Variants in RAI1 observed in about 807,000 individuals in gnomAD.
RAI1 encodes the protein retinoic acid-induced protein 1.
RAI1 carries 9 observed loss-of-function variants against 123.8 expected under a neutral mutation model. The ratio of observed to expected loss-of-function variants is 0.07; its 90% CI spans 0.04 to 0.13. The LOEUF is 0.13. RAI1 is among the 10% of genes least tolerant of loss of function. RAI1 has a pLI of 1.00. For synonymous variants in RAI1, 1,231 were observed against 1,127.3 expected (o/e 1.09, Z -1.84); for missense variants, 2,256 against 2,545.8 (o/e 0.89, Z 2.45).
At chr17:17,802,043 G>T in intron 3 of RAI1, 2 of 470,472 alleles carry the variant, frequency 4.3e-6, no homozygotes. Context: ...CCCCCAGCAC[G>T]GTGGCACTGT....
In RAI1 at chr17:17,797,490, G is replaced by T. The variant is rs764035670; in HGVS notation, c.4542G>T (p.Arg1514Ser). Residue 1514 changes from arginine (R) to serine (S), a missense_variant, in exon 3 of 6, where the codon AGG becomes AGT. Arg to Ser is a moderately radical substitution (Grantham distance 110, BLOSUM62 -1). This residue lies in a region of RAI1 where 410 missense variants were observed against 374.6 expected (regional missense o/e 1.09). Coordinates refer to ENST00000353383, the MANE Select transcript of RAI1 (RefSeq NM_030665.4). ...TGGCCTCCCAGCCCCCGGAGGGCAGGCCCTGCCAGCCCCAGACAAGGGCAC... is the reference window on the plus strand; with the variant it reads ...TGGCCTCCCAGCCCCCGGAGGGCAGTCCCTGCCAGCCCCAGACAAGGGCAC... The part of the protein sequence containing the change: ...LGLASQPPEG[R>S]PCQPQTRAQK... 6.2e-7 allele frequency: 1 copy of T among 1,613,134 alleles called. No individual in the cohort carries two copies. Among genetic ancestry groups the T allele is most frequent in the South Asian group, 1.1e-5 (1 of 91,046 alleles).
In RAI1 at chr17:17,795,422, T is replaced by G. The variant is rs765448748; in HGVS notation, c.2474T>G (p.Leu825Arg). 2 of 1,590,228 alleles carry G rather than the reference T, an allele frequency of 1.3e-6. No homozygotes were observed. Among genetic ancestry groups the G allele is most frequent in the South Asian group, 2.3e-5 (2 of 88,388 alleles). Reference sequence around the variant, plus strand: ...GGGGTGAAGGAGGAGGCAGGTGGGCTGCTGCAGTGCCCCGAGGTGGCCAAG... The same window carrying G: ...GGGGTGAAGGAGGAGGCAGGTGGGCGGCTGCAGTGCCCCGAGGTGGCCAAG... ...VGGVKEEAGG[L>R]LQCPEVAKAD... The change falls in exon 3 of 6, where the codon CTG becomes CGG. Residue 825 changes from leucine to arginine, a missense_variant. Coordinates refer to ENST00000353383, the MANE Select transcript of RAI1 (RefSeq NM_030665.4). This position sits in a 1 kb window ranked among gnomAD's most constrained non-coding sequence, Gnocchi z 5.9.
At chr17:17,709,013 C>G (rs1915479641) in intron 1 of RAI1, among the ~76,000 whole-genome samples, 1 of 152,186 alleles carries the variant, frequency 6.6e-6, no homozygotes, top group African/African-American at 2.4e-5. Flanking sequence ...CCAGGACATG[C>G]CGCTTTACAG....
intron 1 of RAI1, among the ~76,000 whole-genome samples, chr17:17,718,132 C>T (rs755591873): frequency 6.6e-6 from 1 of 152,192 alleles, no homozygotes; most frequent in African/African-American, 2.4e-5. Flanking sequence ...CCTCTCCCCT[C>T]TCCCCCTGCT....
In RAI1 at chr17:17,795,251, G is replaced by A. The variant is rs1232323587; in HGVS notation, c.2303G>A (p.Gly768Asp). The A allele has an allele frequency of 1.2e-6, 2 of 1,614,028 alleles. No individual in the cohort carries two copies. The highest frequency in any genetic ancestry group is 1.3e-5 in the African/African-American group (1 of 75,036). Residue 768 changes from glycine to aspartate, a missense_variant, in exon 3 of 6, where the codon GGC (glycine) becomes GAC (aspartate). Physicochemically the swap from Gly to Asp is moderately conservative, Grantham distance 94 (BLOSUM62 -1). Transcript: ENST00000353383. This position sits in a 1 kb window ranked among gnomAD's most constrained non-coding sequence, Gnocchi z 5.9. ...WGLHPGELTK[G>D]LEQGGKASDG... is the part of the protein sequence containing the mutation. ...TTGCACCCTGGCGAGCTTACCAAGG[G>A]CCTGGAGCAGGGTGGGAAGGCCTCA... is the stretch of plus-strand genomic sequence containing the variant.
chr17:17,761,932 TG>T (rs934520090), intron 2 of RAI1, among the ~76,000 whole-genome samples: 18 of 151,784 alleles, frequency 1.2e-4, no homozygotes, highest in Admixed American at 3.3e-4. Flanking sequence ...GAGGGAGGCA[TG>T]GGAGGGAGGT....
chr17:17,751,206 C>G (rs890221807), intron 2 of RAI1, among the ~76,000 whole-genome samples: 1 of 152,146 alleles, frequency 6.6e-6, no homozygotes, highest in Non-Finnish European at 1.5e-5. Context: ...GGAAGTGGAG[C>G]CTCATCAAGG....
At chr17:17,738,744 G>A (rs148502517) in intron 2 of RAI1, among the ~76,000 whole-genome samples, 1 of 152,320 alleles carries the variant, frequency 6.6e-6, no homozygotes, top group Non-Finnish European at 1.5e-5. Flanking sequence ...GACCCTGATG[G>A]GCTGCAGAGG....
chr17:17,794,949 G>T lies in RAI1; in HGVS notation c.2001G>T (p.Leu667=). Residue 667 remains leucine (L), a synonymous_variant, in exon 3 of 6, where the codon CTG becomes CTT. Coordinates refer to ENST00000353383, the MANE Select transcript of RAI1 (RefSeq NM_030665.4). ...CCCGGCCTGGGGAGCCGGAGGCCCT[G>T]CCCGACTCCTTGCAGCTGGACAAGG... ...AWPRPGEPEA[L]PDSLQLDKGG... is the part of the protein sequence containing the mutation. The T allele has an allele frequency of 3.1e-6, 5 of 1,613,730 alleles. No individual in the cohort carries two copies. Among genetic ancestry groups the T allele is most frequent in the Non-Finnish European group, 4.2e-6 (5 of 1,180,026 alleles).
At chr17:17,726,821 C>A (rs1334279655) in intron 2 of RAI1, among the ~76,000 whole-genome samples, 1 of 152,030 alleles carries the variant, frequency 6.6e-6, no homozygotes, top group Non-Finnish European at 1.5e-5. Flanking sequence ...CTTTTCGACT[C>A]GGTGGTTGGT....
chr17:17,747,663 G>A (rs2029979636), intron 2 of RAI1, among the ~76,000 whole-genome samples: 1 of 152,208 alleles, frequency 6.6e-6, no homozygotes, highest in Non-Finnish European at 1.5e-5. Flanking sequence ...GGTTGGAGCT[G>A]CCCTCTTGTG....
At chr17:17,740,536 G>A (rs1350294410) in intron 2 of RAI1, among the ~76,000 whole-genome samples, 2 of 152,190 alleles carry the variant, frequency 1.3e-5, no homozygotes, top group Non-Finnish European at 2.9e-5. Context: ...ATAGGTACAG[G>A]CACTTCTCTA....
rs1034974591 is a variant in RAI1 at position 17,714,615 on chromosome 17, C to A, written c.-148-9413C>A. Among the ~76,000 whole-genome samples, 3 of 152,176 alleles carry A rather than the reference C, an allele frequency of 2.0e-5. No homozygotes were observed. The highest frequency in any genetic ancestry group is 4.4e-5 in the Non-Finnish European group (3 of 68,032). ...CTTCCCCATTTTAAAGGTGAAAAAC[C>A]TGAGGCTCAGAAACGTAACGGGAAG... On this transcript the variant is annotated intron_variant, in intron 1 of 5. Coordinates refer to ENST00000353383, the MANE Select transcript of RAI1 (RefSeq NM_030665.4). This position sits in a 1 kb window ranked among gnomAD's most constrained non-coding sequence, Gnocchi z 4.9.
rs756380125 is a variant in RAI1, at chr17:17,794,412, C to T, written c.1464C>T (p.Tyr488=). ...ACTGCAGCCCCGAAGGGAGCGGCTA[C>T]TCAGCCGAGCCCGCAGGCACACCGC... ...SQHCSPEGSG[Y]SAEPAGTPLS... The change falls in exon 3 of 6, where the codon TAC becomes TAT. Residue 488 remains tyrosine (Y), a synonymous_variant. Coordinates refer to ENST00000353383, the MANE Select transcript of RAI1 (RefSeq NM_030665.4). 2.0e-5 allele frequency: 33 copies of T among 1,612,838 alleles called. No homozygotes were observed. The highest frequency in any genetic ancestry group is 2.8e-5 in the Non-Finnish European group (33 of 1,180,036).
intron 2 of RAI1, among the ~76,000 whole-genome samples, chr17:17,769,870 C>G (rs1328382277): frequency 6.7e-6 from 1 of 150,192 alleles, no homozygotes; most frequent in Admixed American, 6.7e-5. Context: ...AGAGATGGGT[C>G]GGGTGGAGGG....
Position 17,783,626 on chromosome 17 carries a change from C to T in RAI1, c.-16-9307C>T, listed in dbSNP as rs953497454. Among the ~76,000 whole-genome samples, 11 of 152,160 alleles carry T rather than the reference C, an allele frequency of 7.2e-5. 1 individual carries two copies. Among genetic ancestry groups the T allele is most frequent in the Non-Finnish European group, 1.3e-4 (9 of 68,032 alleles). On this transcript the variant is annotated intron_variant, in intron 2 of 5. Coordinates refer to ENST00000353383, the MANE Select transcript of RAI1 (RefSeq NM_030665.4). ...AGCCGGGCTGCAGGACTCCAGGCGC[C>T]GCGTTAACCCTGCTCGCGCTGGGGC... is the stretch of plus-strand genomic sequence containing the variant.
intron 2 of RAI1, among the ~76,000 whole-genome samples, chr17:17,743,857 C>G (rs1440625870): frequency 1.3e-5 from 2 of 152,242 alleles, no homozygotes; most frequent in African/African-American, 2.4e-5. Flanking sequence ...CCAAGGACAT[C>G]TTTTAGGCTG....
Position 17,767,410 on chromosome 17 carries a change from GA to G in RAI1, c.-16-25510del, listed in dbSNP as rs750016149. Reference sequence around the variant, plus strand: ...GTTGGTCTTTTTAAAAAAACTCGCTGAAAAAAAAAAAAAGATACTAAAGAAT... The same window carrying G: ...GTTGGTCTTTTTAAAAAAACTCGCTGAAAAAAAAAAAAGATACTAAAGAAT... On this transcript the variant is annotated intron_variant, in intron 2 of 5. Coordinates refer to ENST00000353383, the MANE Select transcript of RAI1 (RefSeq NM_030665.4). Among the ~76,000 whole-genome samples, 462 of 139,150 alleles carry G rather than the reference GA, an allele frequency of 3.3e-3. 3 individuals carry two copies. Among genetic ancestry groups the G allele is most frequent in the African/African-American group, 7.4e-3 (282 of 37,978 alleles). The allele number at this position is 139,150 out of a possible 152,430, so 91.3% of individuals were successfully genotyped here.
chr17:17,764,940 G>A (rs143548928), intron 2 of RAI1, among the ~76,000 whole-genome samples: 5 of 152,306 alleles, frequency 3.3e-5, no homozygotes, highest in Non-Finnish European at 5.9e-5. Context: ...TGTGGCAGTG[G>A]TTTTTCATTA....
Sources: gnomAD v4.1 joint callset for allele counts (sites outside exome capture counted in the v4.1 genomes callset) on GRCh38, gnomAD v4.1.1 for gene constraint, gnomAD v4.1.1 regional missense constraint, Gnocchi (gnomAD v3.1) non-coding constraint, MANE v1.5 for transcripts, NCBI Gene and HGNC (gene_info 2026-07-23, HGNC 2026-07-21) for gene names.